The following ERI3 variants were observed in gnomAD, a reference collection of about 807,000 sequenced individuals.
The protein encoded by ERI3 is ERI1 exoribonuclease family member 3.
Under a neutral mutation model 44.4 loss-of-function variants are expected in ERI3, and 18 were observed. The observed-to-expected ratio is 0.41, with a 90% CI of 0.28 to 0.60. ERI3 has a LOEUF of 0.60. ERI3 is among the 20% of genes least tolerant of loss of function. The pLI is 0.36. For missense variants in ERI3, 294 were observed against 435.5 expected (o/e 0.68, Z 2.89); for synonymous variants, 183 against 164.8 (o/e 1.11, Z -0.84).
intron 8 of ERI3, chr1:44,243,879 C>T (rs1486708594): frequency 6.6e-6 from 1 of 152,086 alleles, no homozygotes; most frequent in Non-Finnish European, 1.5e-5. Context: ...CTTCATAGTT[C>T]CACAGTGATA....
chr1:44,338,497 G>C (rs1405197060), intron 3 of ERI3, among the ~76,000 whole-genome samples: 2 of 152,322 alleles, frequency 1.3e-5, no homozygotes, highest in Non-Finnish European at 2.9e-5. Flanking sequence ...TGAGTGTCCT[G>C]GCAGCATGAC....
intron 6 of ERI3, among the ~76,000 whole-genome samples, chr1:44,305,841 T>A (rs1376971570): frequency 1.3e-5 from 2 of 152,222 alleles, no homozygotes; most frequent in Non-Finnish European, 2.9e-5. Flanking sequence ...GCTGAATTCC[T>A]AAGACTTAGT....
intron 7 of ERI3, among the ~76,000 whole-genome samples, chr1:44,273,780 G>A (rs1645130709): frequency 6.6e-6 from 1 of 152,224 alleles, no homozygotes; most frequent in Non-Finnish European, 1.5e-5. Flanking sequence ...GGTTTTGAAG[G>A]ATGAACAGGA....
At chr1:44,343,943 TG>T (rs1168695856) in intron 2 of ERI3, among the ~76,000 whole-genome samples, 1 of 152,116 alleles carries the variant, frequency 6.6e-6, no homozygotes, top group Non-Finnish European at 1.5e-5. Context: ...TTTTTAAAAT[TG>T]TTTTTTAAAA....
At position 44,245,843 on chromosome 1, in the gene ERI3, T is replaced by G. The variant is rs111676772; in HGVS notation, c.931+2096A>C. Among the ~76,000 whole-genome samples the G allele has an allele frequency of 9.8e-4, 149 of 152,268 alleles. 1 individual carries two copies. The highest frequency in any genetic ancestry group is 3.3e-3 in the African/African-American group (138 of 41,544). On this transcript the variant is annotated intron_variant, in intron 8 of 8. Coordinates refer to ENST00000372257, the MANE Select transcript of ERI3 (RefSeq NM_024066.3). ...ATGTGGGGTGCATTAACCCAGGCTG[T>G]CCCTAGCCCCCAGCCAGTTCTTCCT...
intron 8 of ERI3, among the ~76,000 whole-genome samples, chr1:44,247,132 C>T (rs540491938): frequency 6.6e-6 from 1 of 152,166 alleles, no homozygotes; most frequent in South Asian, 2.1e-4. Context: ...AGACTCATGC[C>T]CTCAGAAAAA....
intron 3 of ERI3, among the ~76,000 whole-genome samples, chr1:44,334,220 C>T (rs193047820): frequency 5.9e-5 from 9 of 152,364 alleles, no homozygotes; most frequent in South Asian, 2.1e-4. Context: ...CTCCTCCCAA[C>T]GTGCTGTGGC....
intron 8 of ERI3, among the ~76,000 whole-genome samples, chr1:44,230,643 A>G (rs1468412320): frequency 1.3e-5 from 2 of 152,166 alleles, no homozygotes; most frequent in Non-Finnish European, 2.9e-5. Flanking sequence ...CCGGCCCCAG[A>G]CCCACGTGCC....
rs536283369 is a variant in ERI3 at position 44,290,212 on chromosome 1, G to A, written c.759-5305C>T. ...GCTCCAGGACAGGCACATACTGTTC[G>A]CCTGCAGGAGCAAACTACTGTATTC... On this transcript the variant is annotated intron_variant, in intron 6 of 8. Coordinates refer to ENST00000372257, the MANE Select transcript of ERI3 (RefSeq NM_024066.3). Among the ~76,000 whole-genome samples, 11 of 152,288 alleles carry A rather than the reference G, an allele frequency of 7.2e-5. No individual in the cohort carries two copies. In the South Asian group the frequency reaches 1.2e-3, roughly 17 times the overall value.
chr1:44,250,052 G>A (rs1244616695), intron 7 of ERI3, among the ~76,000 whole-genome samples: 4 of 152,142 alleles, frequency 2.6e-5, no homozygotes, highest in African/African-American at 7.2e-5. Context: ...AAGTGATGTC[G>A]GGGAGAAGAT....
At chr1:44,299,547 G>T (rs140063141) in intron 6 of ERI3, among the ~76,000 whole-genome samples, 1 of 151,998 alleles carries the variant, frequency 6.6e-6, no homozygotes, top group African/African-American at 2.4e-5. Context: ...AAAAAACACA[G>T]ATCTAAGCAA....
intron 3 of ERI3, chr1:44,322,988 T>G: frequency 9.9e-6 from 13 of 1,313,466 alleles, no homozygotes; most frequent in Non-Finnish European, 1.3e-5. Context: ...TATGTCCAGT[T>G]GCTCAGATAA....
At chr1:44,332,669 C>T (rs72891786) in intron 3 of ERI3, among the ~76,000 whole-genome samples, 1,597 of 152,322 alleles carry the variant, frequency 0.01, 28 homozygotes, top group African/African-American at 0.037. Context: ...TACAGACAGG[C>T]CCTTCGGCTT....
chr1:44,329,949 A>G (rs1056632510), intron 3 of ERI3, among the ~76,000 whole-genome samples: 3 of 152,108 alleles, frequency 2.0e-5, no homozygotes, highest in African/African-American at 7.2e-5. Context: ...TTCCTAGCAC[A>G]CCTAAGGGTT....
intron 8 of ERI3, among the ~76,000 whole-genome samples, chr1:44,247,214 CAG>C (rs1644572979): frequency 6.6e-6 from 1 of 152,158 alleles, no homozygotes; most frequent in South Asian, 2.1e-4. Flanking sequence ...GAGTCTGACA[CAG>C]AGACATACAG....
At chr1:44,318,725 C>A (rs78157715) in intron 4 of ERI3, among the ~76,000 whole-genome samples, 185 of 152,318 alleles carry the variant, frequency 1.2e-3, no homozygotes, top group African/African-American at 4.4e-3. Flanking sequence ...CTCAAGAACC[C>A]TTTTTCACCT....
chr1:44,234,466 A>G (rs1644258699), intron 8 of ERI3, among the ~76,000 whole-genome samples: 1 of 151,886 alleles, frequency 6.6e-6, no homozygotes, highest in Non-Finnish European at 1.5e-5. Context: ...TTTCGAGACC[A>G]GCCTGGCCAA....
At chr1:44,251,294 T>C (rs1644674119) in intron 7 of ERI3, among the ~76,000 whole-genome samples, 1 of 152,270 alleles carries the variant, frequency 6.6e-6, no homozygotes. Flanking sequence ...AGCGCATATA[T>C]GCTGGCATGC....
At chr1:44,346,172 A>C (rs1469160299) in intron 2 of ERI3, among the ~76,000 whole-genome samples, 2 of 152,232 alleles carry the variant, frequency 1.3e-5, no homozygotes, top group Non-Finnish European at 2.9e-5. Flanking sequence ...CTTGGCCTGT[A>C]GCTACAGCTG....
Sources: allele counts gnomAD v4.1 joint callset (sites outside exome capture counted in the v4.1 genomes callset), GRCh38; gene constraint gnomAD v4.1.1; transcripts MANE v1.5; gene names NCBI Gene and HGNC (gene_info 2026-07-23, HGNC 2026-07-21).